PDGFD: variants seen among roughly 807,000 people sequenced by gnomAD.
The protein encoded by PDGFD is platelet derived growth factor D.
PDGFD carries 30 observed loss-of-function variants against 44.7 expected under a neutral mutation model. The ratio of observed to expected loss-of-function variants is 0.67; its 90% CI spans 0.50 to 0.91. PDGFD has a LOEUF of 0.91. Among genes scored for constraint, PDGFD ranks in the 40% least tolerant of loss-of-function variants. The pLI, the probability that PDGFD is intolerant of heterozygous loss-of-function variation, is 0.00. For synonymous variants in PDGFD, 173 were observed against 168.4 expected, an observed-to-expected ratio of 1.03 and a Z score of -0.21; for missense variants, 445 against 457.8, an observed-to-expected ratio of 0.97 and a Z score of 0.25.
intron 5 of PDGFD, among the ~76,000 whole-genome samples, chr11:103,936,340 T>A (rs1858487152): frequency 6.6e-6 from 1 of 152,306 alleles, no homozygotes; most frequent in East Asian, 1.9e-4. Context: ...AAGCACTCAG[T>A]TTCTAAAATA....
Position 104,018,100 on chromosome 11 carries a change from T to G in PDGFD, c.125-17845A>C, listed in dbSNP as rs1380042520. On this transcript the variant is annotated intron_variant, in intron 1 of 6. Coordinates refer to ENST00000393158, the MANE Select transcript of PDGFD (RefSeq NM_025208.5). ...CATGTGCCATTTTATTGATTCCACC[T>G]GTAAAACTCACCCTTTACATTGTCC... Among the ~76,000 whole-genome samples the G allele has an allele frequency of 2.0e-5, 3 of 152,120 alleles. No individual in the cohort carries two copies. In the East Asian group the frequency reaches 5.8e-4, roughly 29 times the overall value.
At chr11:104,058,272 A>G (rs189554065) in intron 1 of PDGFD, among the ~76,000 whole-genome samples, 2 of 152,350 alleles carry the variant, frequency 1.3e-5, no homozygotes, top group East Asian at 3.9e-4. Context: ...CGAAATATGT[A>G]TTTAAAACAC....
In PDGFD at chr11:104,084,409, G is replaced by A. The variant is rs538014771; in HGVS notation, c.124+79395C>T. On this transcript the variant is annotated intron_variant, in intron 1 of 6. Transcript: ENST00000393158. ...AGAGATCTGGGGACAATATTTCCAGGAAGAAGAAAGGGCTGGTATAAATGG... is the reference window on the plus strand; with the variant it reads ...AGAGATCTGGGGACAATATTTCCAGAAAGAAGAAAGGGCTGGTATAAATGG... Among the ~76,000 whole-genome samples, 4 of 152,122 alleles carry A rather than the reference G, an allele frequency of 2.6e-5. No homozygotes were observed. The East Asian group carries it at 5.8e-4, about 22-fold the overall frequency.
rs377735217 is a variant in PDGFD at position 104,125,799 on chromosome 11, G to A, written c.124+38005C>T. The stretch of plus-strand genomic sequence containing the variant: ...CCTATAATTTTATTAGCAAATGCAC[G>A]GCATGACCACTCCTGATGCTGAAGG... On this transcript the variant is annotated intron_variant, in intron 1 of 6. Coordinates refer to ENST00000393158, the MANE Select transcript of PDGFD (RefSeq NM_025208.5). 5.9e-5 allele frequency among the ~76,000 whole-genome samples: 9 copies of A among 152,014 alleles called. No individual in the cohort carries two copies. The East Asian group carries it at 1.5e-3, about 26-fold the overall frequency.
intron 1 of PDGFD, among the ~76,000 whole-genome samples, chr11:104,142,278 C>T (rs1862096515): frequency 6.6e-6 from 1 of 151,840 alleles, no homozygotes; most frequent in Admixed American, 6.6e-5. Context: ...TGTATTTATA[C>T]ATATACACAC....
At chr11:104,097,914 G>A (rs912572320) in intron 1 of PDGFD, among the ~76,000 whole-genome samples, 4 of 152,068 alleles carry the variant, frequency 2.6e-5, no homozygotes, top group South Asian at 2.1e-4. Context: ...TTAATTCTAC[G>A]GCAAATTTCA....
intron 3 of PDGFD, among the ~76,000 whole-genome samples, chr11:103,991,423 GGA>G (rs1310315271): frequency 2.0e-5 from 3 of 151,776 alleles, no homozygotes; most frequent in Non-Finnish European, 4.4e-5. Flanking sequence ...TATTCCCAAT[GGA>G]AATAACGGCA....
chr11:104,010,715 C>A (rs1376540918), intron 1 of PDGFD, among the ~76,000 whole-genome samples: 2 of 151,976 alleles, frequency 1.3e-5, no homozygotes, highest in Non-Finnish European at 1.5e-5. Flanking sequence ...TCTGATAATT[C>A]TCTTTTCTTC....
At chr11:104,142,951 C>T (rs1226203137) in intron 1 of PDGFD, among the ~76,000 whole-genome samples, 1 of 152,180 alleles carries the variant, frequency 6.6e-6, no homozygotes, top group African/African-American at 2.4e-5. Context: ...CTCCAGGGAA[C>T]AGAGCTGCTC....
Position 104,006,139 on chromosome 11 carries a change from A to G in PDGFD, c.125-5884T>C, listed in dbSNP as rs11226110. On this transcript the variant is annotated intron_variant, in intron 1 of 6. Transcript: ENST00000393158. The stretch of plus-strand genomic sequence containing the variant: ...TTATCCCTGAAATCCATCTAGACCA[A>G]TGGTTTGCTATATGTGGTCCCCAGA... Among the ~76,000 whole-genome samples the G allele has an allele frequency of 7.7e-3, 1,174 of 152,208 alleles. 12 individuals are homozygous for G. Among genetic ancestry groups the G allele is most frequent in the African/African-American group, 0.027 (1,114 of 41,526 alleles).
chr11:104,109,092 C>T (rs1861513273), intron 1 of PDGFD, among the ~76,000 whole-genome samples: 1 of 151,514 alleles, frequency 6.6e-6, no homozygotes, highest in African/African-American at 2.4e-5. Context: ...AGGAGACATA[C>T]CTAATGTAAA....
At chr11:103,946,127 T>G (rs1393408618) in intron 4 of PDGFD, 5 of 142,534 alleles carry the variant, frequency 3.5e-5, no homozygotes, top group Non-Finnish European at 5.9e-5. Context: ...TTAACTGCAT[T>G]AATTTAAAAT....
At chr11:103,960,540 C>T (rs1858919567) in intron 3 of PDGFD, among the ~76,000 whole-genome samples, 1 of 152,114 alleles carries the variant, frequency 6.6e-6, no homozygotes, top group African/African-American at 2.4e-5. Flanking sequence ...AAGGTGTTGG[C>T]TAATGCATGG....
At chr11:103,939,532 T>C (rs1298564434) in intron 5 of PDGFD, among the ~76,000 whole-genome samples, 2 of 152,166 alleles carry the variant, frequency 1.3e-5, no homozygotes, top group Non-Finnish European at 2.9e-5. Context: ...CTTTTCCTAA[T>C]TGAATACCCT....
chr11:104,154,725 A>G (rs1862283525), intron 1 of PDGFD, among the ~76,000 whole-genome samples: 1 of 152,214 alleles, frequency 6.6e-6, no homozygotes, highest in African/African-American at 2.4e-5. Flanking sequence ...AGGAATTATA[A>G]AAAGGTGGAA....
chr11:104,096,697 T>C (rs563741987), intron 1 of PDGFD, among the ~76,000 whole-genome samples: 5 of 152,270 alleles, frequency 3.3e-5, no homozygotes, highest in Middle Eastern at 3.4e-3. Context: ...TCATAAGTGG[T>C]CAATATTTGA....
At chr11:104,121,509 C>T (rs917440146) in intron 1 of PDGFD, among the ~76,000 whole-genome samples, 11 of 151,888 alleles carry the variant, frequency 7.2e-5, no homozygotes, top group African/African-American at 2.4e-4. Context: ...AAATTTTCAA[C>T]GTACTATAGT....
chr11:104,052,017 A>G (rs1044147159), intron 1 of PDGFD, among the ~76,000 whole-genome samples: 1 of 152,052 alleles, frequency 6.6e-6, no homozygotes, highest in African/African-American at 2.4e-5. Context: ...ATTGCTCCAC[A>G]TTCCCCGTTC....
chr11:104,133,787 A>G (rs970210119), intron 1 of PDGFD, among the ~76,000 whole-genome samples: 2 of 152,196 alleles, frequency 1.3e-5, no homozygotes, highest in East Asian at 1.9e-4. Context: ...AATTAAAACA[A>G]TAACAAGAAA....
Sources: gnomAD v4.1 joint callset for allele counts (sites outside exome capture counted in the v4.1 genomes callset) on GRCh38, gnomAD v4.1.1 for gene constraint, MANE v1.5 for transcripts, NCBI Gene and HGNC (gene_info 2026-07-23, HGNC 2026-07-21) for gene names.